INTS7: variants seen among roughly 807,000 people sequenced by gnomAD.
INTS7 encodes the protein chromosome 1 open reading frame 73.
Under a neutral mutation model 109.2 loss-of-function variants are expected in INTS7, and 46 were observed. That is an observed-to-expected ratio of 0.42 (90% confidence interval 0.33 to 0.54). The LOEUF is 0.54. Among genes scored for constraint, INTS7 ranks in the 20% least tolerant of loss-of-function variants. The probability of loss-of-function intolerance (pLI) is 0.07; values close to 1 mark genes in which losing one functional copy is unlikely to be tolerated. For missense variants in INTS7, 929 were observed against 1,132.4 expected (o/e 0.82, Z 2.58); for synonymous variants, 412 against 402.9 (o/e 1.02, Z -0.27).
In INTS7 at chr1:211,971,513, T is replaced by G. The variant is rs535286952; in HGVS notation, c.1816-2806A>C. 1.9e-3 allele frequency among the ~76,000 whole-genome samples: 290 copies of G among 152,284 alleles called. 1 individual carries two copies. Among genetic ancestry groups the G allele is most frequent in the Non-Finnish European group, 3.2e-3 (218 of 68,028 alleles). On this transcript the variant is annotated intron_variant, in intron 13 of 19. Transcript: ENST00000366994. ...ATGGATGAATCTTAGGAACATAATTTAGATGATCAAAGCAAGTCAAAGAAA... is the reference window on the plus strand; with the variant it reads ...ATGGATGAATCTTAGGAACATAATTGAGATGATCAAAGCAAGTCAAAGAAA...
chr1:212,033,669 C>A (rs1386923843), intron 1 of INTS7, among the ~76,000 whole-genome samples: 1 of 152,182 alleles, frequency 6.6e-6, no homozygotes, highest in Non-Finnish European at 1.5e-5. Flanking sequence ...AGCTCAGCTG[C>A]ACCAGAATGG....
chr1:212,016,447 T>G (rs1436304475), intron 4 of INTS7, among the ~76,000 whole-genome samples: 3 of 152,202 alleles, frequency 2.0e-5, no homozygotes, highest in Non-Finnish European at 4.4e-5. Flanking sequence ...GGACATGACA[T>G]TCTGAATAGG....
intron 4 of INTS7, among the ~76,000 whole-genome samples, chr1:212,014,866 G>A (rs911289148): frequency 1.3e-5 from 2 of 152,220 alleles, no homozygotes; most frequent in African/African-American, 4.8e-5. Context: ...CCAGGCTGGA[G>A]TGCAGTGGTG....
intron 16 of INTS7, among the ~76,000 whole-genome samples, chr1:211,957,016 G>A (rs936210377): frequency 6.6e-6 from 1 of 152,120 alleles, no homozygotes; most frequent in Non-Finnish European, 1.5e-5. Context: ...TTTTCCAAGT[G>A]GCTGTATCAT....
intron 16 of INTS7, among the ~76,000 whole-genome samples, chr1:211,954,525 T>A (rs1663270700): frequency 6.6e-6 from 1 of 152,234 alleles, no homozygotes; most frequent in African/African-American, 2.4e-5. Context: ...TTTTTATGGT[T>A]TTAGGTCAAA....
chr1:212,005,405 A>G (rs547651701), intron 7 of INTS7, among the ~76,000 whole-genome samples: 6 of 152,190 alleles, frequency 3.9e-5, no homozygotes, highest in African/African-American at 1.2e-4. Flanking sequence ...TGATCCTGTA[A>G]TGTTCTATTT....
chr1:211,986,213 T>C (rs1247672998), intron 8 of INTS7, among the ~76,000 whole-genome samples: 2 of 151,450 alleles, frequency 1.3e-5, no homozygotes, highest in African/African-American at 4.9e-5. Flanking sequence ...GCAGAAAGCC[T>C]TTCAATTTCT....
chr1:211,967,679 G>A (rs1353059408), intron 15 of INTS7, among the ~76,000 whole-genome samples, 199 bp downstream of exon 15: 2 of 152,022 alleles, frequency 1.3e-5, no homozygotes, highest in African/African-American at 2.4e-5. Context: ...AGACACCTTC[G>A]AGTCACCATT....
intron 7 of INTS7, among the ~76,000 whole-genome samples, chr1:211,998,350 C>A (rs539484027): frequency 6.6e-6 from 1 of 152,308 alleles, no homozygotes; most frequent in South Asian, 2.1e-4. Context: ...CGATGGTAAT[C>A]AAGACAGTGT....
intron 14 of INTS7, 49 bp from the exon 15 acceptor site, chr1:211,968,030 A>G (rs372560765): frequency 2.1e-4 from 214 of 1,005,032 alleles, no homozygotes; most frequent in Non-Finnish European, 3.0e-4. Context: ...TCATTATTGT[A>G]TAAACAACAC....
At chr1:212,023,376 A>G (rs1666789930) in intron 1 of INTS7, among the ~76,000 whole-genome samples, 1 of 152,228 alleles carries the variant, frequency 6.6e-6, no homozygotes, top group African/African-American at 2.4e-5. Flanking sequence ...CAGTGTATAT[A>G]TAAGCATTCC....
chr1:212,002,862 C>G (rs905630641), intron 7 of INTS7, among the ~76,000 whole-genome samples: 1 of 152,164 alleles, frequency 6.6e-6, no homozygotes, highest in African/African-American at 2.4e-5. Flanking sequence ...CCCACACATA[C>G]TTCTCCAAGA....
In INTS7 at chr1:211,946,707, TG is replaced by T. The variant is rs1282591560; in HGVS notation, c.2317-3del. On this transcript the variant is annotated splice_polypyrimidine_tract_variant and splice_region_variant and intron_variant, in intron 17 of 19. Transcript: ENST00000366994. This position sits in a 1 kb window ranked among gnomAD's most constrained non-coding sequence, Gnocchi z 4.3. ...GGCATTGCAGAGGCATGCTGTGTGC[TG>T]GGGGAAAAAAGAAACTAAATCAAAT... 9 of 1,597,090 alleles carry T rather than the reference TG, an allele frequency of 5.6e-6. No individual in the cohort carries two copies. The highest frequency in any genetic ancestry group is 7.7e-6 in the Non-Finnish European group (9 of 1,170,956).
chr1:211,976,619 C>T lies in INTS7; in HGVS notation c.1571G>A (p.Trp524Ter), dbSNP rs1664433304. The T allele has an allele frequency of 1.2e-6, 2 of 1,613,814 alleles. No individual in the cohort carries two copies. Among genetic ancestry groups the T allele is most frequent in the South Asian group, 1.1e-5 (1 of 91,074 alleles). ...KQQLESVSNG[W>*]TVYRIARQAS... ...CTGTCTGGCAATACGGTATACAGTC[C>T]ATCCATTGGAGACACTTTCAAGCTG... The change falls in exon 12 of 20, where the codon TGG (tryptophan) becomes TAG (stop). Residue 524 changes from tryptophan to a stop codon, truncating the protein, a stop_gained. Coordinates refer to ENST00000366994, the MANE Select transcript of INTS7 (RefSeq NM_015434.4). LOFTEE classifies it high-confidence loss of function.
rs763280027 is a variant in INTS7 at position 212,035,328 on chromosome 1, C to T, written c.94+16G>A. 1 of 1,561,428 alleles carries T rather than the reference C, an allele frequency of 6.4e-7. No homozygotes were observed. Among genetic ancestry groups the T allele is most frequent in the African/African-American group, 1.4e-5 (1 of 73,824 alleles). ...CCCACGCCTGTTTCACCCATTCAGC[C>T]CTCTCTTTCGAATACCTTTGTCCAA... is the stretch of plus-strand genomic sequence containing the variant. On this transcript the variant is annotated intron_variant, in intron 1 of 19. Transcript: ENST00000366994.
At position 212,017,155 on chromosome 1, in the gene INTS7, G is replaced by A. The variant is rs1291055259; in HGVS notation, c.372-132C>T. 14 of 596,106 alleles carry A rather than the reference G, an allele frequency of 2.3e-5. No individual in the cohort carries two copies. The East Asian group carries it at 3.8e-4, about 16-fold the overall frequency. 36.9% of individuals were successfully genotyped at this position (596,106 alleles called of 1,614,324 possible). On this transcript the variant is annotated intron_variant, in intron 3 of 19. Coordinates refer to ENST00000366994, the MANE Select transcript of INTS7 (RefSeq NM_015434.4). The stretch of plus-strand genomic sequence containing the variant: ...ATTCTATGTAACTCCAGTTAATAAA[G>A]CATAACTTTAGAAATCCATGACTCA...
In INTS7 at chr1:212,035,538, G is replaced by A; in HGVS notation, c.-101C>T. ...GCCTTCTTGCTGGTTTTTCTTCCGC[G>A]CGCTGTCAAGCCCTGTTACGCATGC... On this transcript the variant is annotated 5_prime_UTR_variant, in exon 1 of 20. Coordinates refer to ENST00000366994, the MANE Select transcript of INTS7 (RefSeq NM_015434.4). The A allele has an allele frequency of 3.1e-6, 3 of 960,280 alleles. No individual in the cohort carries two copies. The highest frequency in any genetic ancestry group is 5.0e-6 in the Non-Finnish European group (3 of 605,054). The allele number at this position is 960,280 out of a possible 1,614,324, so 59.5% of individuals were successfully genotyped here.
chr1:211,996,791 C>G (rs78258558), intron 7 of INTS7, among the ~76,000 whole-genome samples: 3,972 of 152,148 alleles, frequency 0.026, 58 homozygotes, highest in African/African-American at 0.046. Flanking sequence ...TTGGGAGGTC[C>G]AGGCAGGCAG....
At chr1:211,985,419 T>C (rs1558039462) in intron 8 of INTS7, among the ~76,000 whole-genome samples, 1 of 152,188 alleles carries the variant, frequency 6.6e-6, no homozygotes, top group South Asian at 2.1e-4. Flanking sequence ...ATGGAAATAA[T>C]GTAACTTTGG....
Sources: gnomAD v4.1 joint callset for allele counts (sites outside exome capture counted in the v4.1 genomes callset) on GRCh38, gnomAD v4.1.1 for gene constraint, Gnocchi (gnomAD v3.1) non-coding constraint, MANE v1.5 for transcripts, NCBI Gene and HGNC (gene_info 2026-07-23, HGNC 2026-07-21) for gene names.